Variants in SLC38A1 observed in about 807,000 individuals in gnomAD.
SLC38A1 encodes solute carrier family 38 member 1, also known as sodium-coupled neutral amino acid symporter 1.
SLC38A1 carries 18 observed loss-of-function variants against 60.3 expected under a neutral mutation model. That is an observed-to-expected ratio of 0.30 (90% CI 0.21 to 0.44). SLC38A1 has a LOEUF of 0.44. SLC38A1 is among the 20% of genes least tolerant of loss of function. The pLI is 1.00. For missense variants in SLC38A1, 448 were observed against 587.2 expected (o/e 0.76, Z 2.45); for synonymous variants, 196 against 212.1 (o/e 0.92, Z 0.66).
chr12:46,218,871 C>T (rs1480524338), intron 5 of SLC38A1, among the ~76,000 whole-genome samples: 1 of 151,880 alleles, frequency 6.6e-6, no homozygotes, highest in Non-Finnish European at 1.5e-5. Context: ...GTCTTCTGTT[C>T]CTGGGTGCAA....
chr12:46,199,306 TTTGTGTGTG>T (rs1195154749), intron 13 of SLC38A1, among the ~76,000 whole-genome samples: 1 of 110,858 alleles, frequency 9.0e-6, no homozygotes, highest in East Asian at 2.6e-4. Flanking sequence ...TATGTACTAC[TTTGTGTGTG>T]TGTGTGTGTG....
chr12:46,204,558 T>C lies in SLC38A1; in HGVS notation c.679A>G (p.Ser227Gly). 6.2e-7 allele frequency: 1 copy of C among 1,612,034 alleles called. No homozygotes were observed. Among genetic ancestry groups the C allele is most frequent in the Non-Finnish European group, 8.5e-7 (1 of 1,179,384 alleles). The change falls in exon 10 of 17, where the codon AGC becomes GGC. Residue 227 changes from serine (S) to glycine (G), a missense_variant. Physicochemically the swap from Ser to Gly is moderately conservative, Grantham distance 56. Transcript: ENST00000398637. ...ACAATTAGGAAAAAAACCATACAGC[T>C]CAAGGAAAATCCACTAGTATAGCCA... ...YLGYTSGFSL[S>G]CMVFFLIVVI...
intron 3 of SLC38A1, among the ~76,000 whole-genome samples, chr12:46,233,198 A>T (rs893570785): frequency 6.6e-6 from 1 of 151,942 alleles, no homozygotes; most frequent in Non-Finnish European, 1.5e-5. Flanking sequence ...TTTTAAAAAA[A>T]ATTGTGTAGG....
intron 1 of SLC38A1, among the ~76,000 whole-genome samples, chr12:46,260,252 C>T (rs958490805): frequency 6.6e-6 from 1 of 152,186 alleles, no homozygotes; most frequent in African/African-American, 2.4e-5. Flanking sequence ...GTAGAAGTAG[C>T]TCTTTGGGCC....
rs77006492 is a variant in SLC38A1, at chr12:46,201,476, T to A, written c.903-278A>T. On this transcript the variant is annotated intron_variant, in intron 12 of 16. Transcript: ENST00000398637. ...ATCGGAAGGGCAGACAGCATTTTTT[T>A]AATATTTGTGCTTGATATTATCTCC... 8.1e-3 allele frequency among the ~76,000 whole-genome samples: 1,235 copies of A among 152,304 alleles called. 18 individuals carry two copies. The highest frequency in any genetic ancestry group is 0.028 in the African/African-American group (1,178 of 41,572).
At chr12:46,198,561 C>T in intron 14 of SLC38A1, 64 bp downstream of exon 14, 1 of 1,131,974 alleles carries the variant, frequency 8.8e-7, no homozygotes, top group South Asian at 1.5e-5. Context: ...GCAACGGGCT[C>T]CTGCAGGCAG....
At chr12:46,206,209 T>C (rs1459941135) in intron 8 of SLC38A1, 47 bp from the exon 9 acceptor site, 8 of 1,126,438 alleles carry the variant, frequency 7.1e-6, no homozygotes, top group Non-Finnish European at 1.0e-5. Context: ...AGAAAGTGAC[T>C]TTTTTCCCCT....
At chr12:46,256,608 C>CGT (rs1942032592) in intron 1 of SLC38A1, among the ~76,000 whole-genome samples, 1 of 92,380 alleles carries the variant, frequency 1.1e-5, no homozygotes, top group Non-Finnish European at 2.1e-5. Flanking sequence ...TTTGCGCGCG[C>CGT]GCGCGCACAC....
intron 3 of SLC38A1, among the ~76,000 whole-genome samples, chr12:46,234,446 CT>C (rs397791217): frequency 6.8e-4 from 96 of 140,568 alleles, no homozygotes; most frequent in Non-Finnish European, 6.6e-4. Context: ...TTCTTTCTTT[CT>C]TTTTTTTTTT....
At chr12:46,209,437 A>G (rs1940050695) in intron 5 of SLC38A1, among the ~76,000 whole-genome samples, 1 of 152,110 alleles carries the variant, frequency 6.6e-6, no homozygotes, top group South Asian at 2.1e-4. Context: ...TTTGTAGTCT[A>G]TGTTGCACTC....
chr12:46,244,576 G>C (rs886892858), intron 1 of SLC38A1, among the ~76,000 whole-genome samples: 5 of 152,232 alleles, frequency 3.3e-5, no homozygotes, highest in Non-Finnish European at 5.9e-5. Flanking sequence ...GGAGCCAACA[G>C]TTGTGGCTAT....
intron 5 of SLC38A1, among the ~76,000 whole-genome samples, chr12:46,216,326 A>T (rs1940409042): frequency 6.6e-6 from 1 of 152,200 alleles, no homozygotes; most frequent in South Asian, 2.1e-4. Context: ...CCAACTGAGA[A>T]TGCAGACCAA....
chr12:46,238,589 C>A (rs571639349), intron 3 of SLC38A1, among the ~76,000 whole-genome samples: 1 of 152,278 alleles, frequency 6.6e-6, no homozygotes, highest in South Asian at 2.1e-4. Context: ...GAGGCTGTGC[C>A]GCTAACTCCC....
chr12:46,207,627 T>A lies in SLC38A1; in HGVS notation c.389-6A>T, dbSNP rs1565760148. 1 of 1,613,062 alleles carries A rather than the reference T, an allele frequency of 6.2e-7. No homozygotes were observed. The highest frequency in any genetic ancestry group is 2.2e-5 in the East Asian group (1 of 44,870). ...CTTTTCATACACCATGCAGCCTATT[T>A]AAAAATCAAATTTGAGAACACAAGA... On this transcript the variant is annotated splice_polypyrimidine_tract_variant and splice_region_variant and intron_variant, in intron 6 of 16. Transcript: ENST00000398637.
At chr12:46,196,660 C>G (rs868238286) in intron 16 of SLC38A1, among the ~76,000 whole-genome samples, 1 of 152,038 alleles carries the variant, frequency 6.6e-6, no homozygotes, top group Non-Finnish European at 1.5e-5. Context: ...CAGAGATGAC[C>G]CTCCTGCCTA....
chr12:46,209,211 T>C, intron 5 of SLC38A1, 84 bp from the exon 6 acceptor site: 1 of 948,414 alleles, frequency 1.1e-6, no homozygotes, highest in South Asian at 1.5e-5. Context: ...AAAGGTTTAT[T>C]TGTATGGTTA....
chr12:46,198,501 C>T, intron 14 of SLC38A1, 124 bp downstream of exon 14: 1 of 621,058 alleles, frequency 1.6e-6, no homozygotes, highest in Non-Finnish European at 2.8e-6. Context: ...GGATCTTTCC[C>T]AGATGCAGAT....
Position 46,185,582 on chromosome 12 carries a change from A to G in SLC38A1, c.*3388T>C, listed in dbSNP as rs952174542. 3.3e-5 allele frequency: 5 copies of G among 151,998 alleles called. No individual in the cohort carries two copies. The highest frequency in any genetic ancestry group is 4.8e-5 in the African/African-American group (2 of 41,348). 9.4% of individuals were successfully genotyped at this position (151,998 alleles called of 1,614,324 possible). A position where few individuals can be genotyped will look rare whatever the true frequency, so the allele number is the denominator to read the frequency against. The stretch of plus-strand genomic sequence containing the variant: ...TTAAAAGTGCTGCGCGCTGGCCTCA[A>G]TGACTGGTACATTGGAGAAGCTATG... On this transcript the variant is annotated 3_prime_UTR_variant, in exon 17 of 17. Coordinates refer to ENST00000398637, the MANE Select transcript of SLC38A1 (RefSeq NM_030674.4).
chr12:46,199,239 AG>A (rs1253037875), intron 13 of SLC38A1, among the ~76,000 whole-genome samples: 1 of 151,768 alleles, frequency 6.6e-6, no homozygotes, highest in Admixed American at 6.6e-5. Context: ...TTTCACCATC[AG>A]GAAATAATTC....
Sources: allele counts gnomAD v4.1 joint callset (sites outside exome capture counted in the v4.1 genomes callset), GRCh38; gene constraint gnomAD v4.1.1; transcripts MANE v1.5; gene names NCBI Gene and HGNC (gene_info 2026-07-23, HGNC 2026-07-21).